PSMA8: variants seen among roughly 807,000 people sequenced by gnomAD.
PSMA8 encodes proteasome subunit alpha-type 8.
In PSMA8, 18 loss-of-function variants were observed where a neutral mutation model predicts 32.4. That is an observed-to-expected ratio of 0.56 (90% CI 0.38 to 0.82). The LOEUF is 0.82. PSMA8 is among the 40% of genes least tolerant of loss of function. The pLI, the probability that PSMA8 is intolerant of heterozygous loss-of-function variation, is 0.00. For missense variants in PSMA8, 298 were observed against 300.7 expected, an observed-to-expected ratio of 0.99 and a Z score of 0.07; for synonymous variants, 104 against 98.1, an observed-to-expected ratio of 1.06 and a Z score of -0.36.
At chr18:26,164,045 A>G (rs1229822506) in intron 4 of PSMA8, among the ~76,000 whole-genome samples, 1 of 152,242 alleles carries the variant, frequency 6.6e-6, no homozygotes, top group African/African-American at 2.4e-5. Context: ...AGTTCCATCA[A>G]GTAAAAAGAG....
chr18:26,154,575 A>G (rs1234414307), intron 3 of PSMA8, among the ~76,000 whole-genome samples: 2 of 151,668 alleles, frequency 1.3e-5, no homozygotes, highest in Non-Finnish European at 2.9e-5. Flanking sequence ...TCGATATCTC[A>G]TATGCACCTT....
chr18:26,150,200 G>T lies in PSMA8; in HGVS notation c.230-1658G>T, dbSNP rs374845703. Among the ~76,000 whole-genome samples the T allele has an allele frequency of 5.3e-5, 8 of 152,224 alleles. No homozygotes were observed. In the East Asian group the frequency reaches 9.6e-4, roughly 18 times the overall value. On this transcript the variant is annotated intron_variant, in intron 2 of 6. Transcript: ENST00000415576. ...ACATCTGAAACACTTCTGATCCCAA[G>T]CATTTTCAGATGAGCGATGAGGGAT...
chr18:26,137,249 G>C (rs2054918757), intron 1 of PSMA8, among the ~76,000 whole-genome samples: 1 of 152,174 alleles, frequency 6.6e-6, no homozygotes, highest in African/African-American at 2.4e-5. Flanking sequence ...CTGGAGGTCA[G>C]GAGTTTGAGA....
At chr18:26,190,199 A>G (rs567561623) in intron 6 of PSMA8, among the ~76,000 whole-genome samples, 1 of 152,334 alleles carries the variant, frequency 6.6e-6, no homozygotes, top group East Asian at 1.9e-4. Flanking sequence ...ACAAAAAAAT[A>G]GAATTTATAA....
rs138692405 is a variant in PSMA8 at position 26,151,925 on chromosome 18, G to A, written c.297G>A (p.Thr99=). Residue 99 remains threonine (T), a synonymous_variant, in exon 3 of 7, where the codon ACG becomes ACA. Transcript: ENST00000415576. ...TGGAGTGCCAGAGCCATAAGCTTAC[G>A]GTTGAGGACCCAGTCACTGTAGAAT... ...ARVECQSHKL[T]VEDPVTVEYI... 6.2e-5 allele frequency: 100 copies of A among 1,612,428 alleles called. No homozygotes were observed. In the African/African-American group the frequency reaches 9.7e-4, roughly 16 times the overall value.
intron 3 of PSMA8, among the ~76,000 whole-genome samples, chr18:26,157,368 C>A (rs1429183366): frequency 6.6e-6 from 1 of 150,568 alleles, no homozygotes; most frequent in Non-Finnish European, 1.5e-5. Context: ...GCCTGGCCAA[C>A]CAACATGGTG....
At chr18:26,172,880 C>T (rs936452625) in intron 4 of PSMA8, among the ~76,000 whole-genome samples, 2 of 152,120 alleles carry the variant, frequency 1.3e-5, no homozygotes, top group African/African-American at 4.8e-5. Flanking sequence ...GGGGAATCTA[C>T]CACTTTTGTA....
rs941314058 is a variant in PSMA8 at position 26,192,879 on chromosome 18, C to T, written c.*468C>T. On this transcript the variant is annotated 3_prime_UTR_variant, in exon 7 of 7. Coordinates refer to ENST00000415576, the MANE Select transcript of PSMA8 (RefSeq NM_001025096.2). ...TACTGATGAGTTCTTAAAATTTTGT[C>T]AGAGCCTTCTTCATTTTACAATATT... The T allele has an allele frequency of 6.6e-6, 1 of 152,110 alleles. No homozygotes were observed. The highest frequency in any genetic ancestry group is 1.5e-5 in the Non-Finnish European group (1 of 68,008). The allele number at this position is 152,110 out of a possible 1,614,324, so 9.4% of individuals were successfully genotyped here. A position where few individuals can be genotyped will look rare whatever the true frequency, so the allele number is the denominator to read the frequency against.
At chr18:26,175,208 C>G (rs994568325) in intron 4 of PSMA8, among the ~76,000 whole-genome samples, 1 of 152,158 alleles carries the variant, frequency 6.6e-6, no homozygotes, top group Non-Finnish European at 1.5e-5. Context: ...AGTTAGCAAG[C>G]CTTCAGATGA....
In PSMA8 at chr18:26,133,983, C is replaced by T. The variant is rs1365463768; in HGVS notation, c.18C>T (p.Asp6=). ...CCTGTGCGATGGCGTCTCGATATGA[C>T]AGGGCGATCACTGTCTTCTCCCCAG... MASRY[D]RAITVFSPDG... Residue 6 remains aspartate (D), a synonymous_variant, in exon 1 of 7, where the codon GAC becomes GAT. Transcript: ENST00000415576. 1 of 1,613,812 alleles carries T rather than the reference C, an allele frequency of 6.2e-7. No homozygotes were observed. The highest frequency in any genetic ancestry group is 8.5e-7 in the Non-Finnish European group (1 of 1,179,820).
At chr18:26,136,266 T>C (rs2054910909) in intron 1 of PSMA8, among the ~76,000 whole-genome samples, 1 of 152,230 alleles carries the variant, frequency 6.6e-6, no homozygotes, top group Non-Finnish European at 1.5e-5. Context: ...AATACCTTTC[T>C]TCTTAGGGAA....
chr18:26,186,592 A>G (rs1482932771), intron 6 of PSMA8, among the ~76,000 whole-genome samples: 1 of 152,174 alleles, frequency 6.6e-6, no homozygotes, highest in Non-Finnish European at 1.5e-5. Flanking sequence ...TAAGAAGTAA[A>G]TAGTATTTAC....
chr18:26,180,797 G>C (rs2055304894), intron 6 of PSMA8, among the ~76,000 whole-genome samples: 1 of 151,966 alleles, frequency 6.6e-6, no homozygotes, highest in African/African-American at 2.4e-5. Flanking sequence ...GTGTTATACT[G>C]TCTTCCACAT....
chr18:26,145,470 A>C (rs936655932), intron 2 of PSMA8, among the ~76,000 whole-genome samples: 1 of 152,134 alleles, frequency 6.6e-6, no homozygotes, highest in African/African-American at 2.4e-5. Flanking sequence ...TGTAGTCATC[A>C]CCACACTCAA....
intron 2 of PSMA8, among the ~76,000 whole-genome samples, chr18:26,149,710 G>A (rs2055030314): frequency 6.6e-6 from 1 of 152,132 alleles, no homozygotes; most frequent in African/African-American, 2.4e-5. Context: ...AACAAATGGT[G>A]CAGGGGAAAC....
In PSMA8 at chr18:26,143,581, ATTGT is replaced by A. The variant is rs559465579; in HGVS notation, c.103-971_103-968del. On this transcript the variant is annotated intron_variant, in intron 1 of 6. Coordinates refer to ENST00000415576, the MANE Select transcript of PSMA8 (RefSeq NM_001025096.2). The stretch of plus-strand genomic sequence containing the variant: ...ACTTAGTGAGCTTGTCGTAGACCTT[ATTGT>A]TTGTTTTTGAACTGAATGGTGGTAG... Among the ~76,000 whole-genome samples, 38 of 152,276 alleles carry A rather than the reference ATTGT, an allele frequency of 2.5e-4. No homozygotes were observed. In the South Asian group the frequency reaches 7.3e-3, roughly 29 times the overall value.
intron 6 of PSMA8, 99 bp from the exon 7 acceptor site, chr18:26,192,220 A>G: frequency 9.7e-7 from 1 of 1,031,232 alleles, no homozygotes; most frequent in Non-Finnish European, 1.3e-6. Context: ...AGTTGTACAT[A>G]GAAAGTATAA....
At chr18:26,156,627 GAA>G (rs1568059981) in intron 3 of PSMA8, among the ~76,000 whole-genome samples, 2 of 149,744 alleles carry the variant, frequency 1.3e-5, no homozygotes, top group African/African-American at 4.9e-5. Flanking sequence ...TAGAAATAGA[GAA>G]TAGCATACTG....
chr18:26,152,268 G>GTATT (rs2055052505), intron 3 of PSMA8, among the ~76,000 whole-genome samples: 1 of 152,058 alleles, frequency 6.6e-6, no homozygotes. Context: ...TTAATACAAA[G>GTATT]AGTTATTTGA....
Sources: allele counts gnomAD v4.1 joint callset (sites outside exome capture counted in the v4.1 genomes callset), GRCh38; gene constraint gnomAD v4.1.1; transcripts MANE v1.5; gene names NCBI Gene and HGNC (gene_info 2026-07-23, HGNC 2026-07-21).